The following LONRF1 variants were observed in gnomAD, a reference collection of about 807,000 sequenced individuals.
LONRF1 encodes the protein LON peptidase N-terminal domain and ring finger 1.
In LONRF1, 37 loss-of-function variants were observed where a neutral mutation model predicts 85.8. The ratio of observed to expected loss-of-function variants is 0.43; its 90% confidence interval spans 0.33 to 0.57. The LOEUF (loss-of-function observed/expected upper bound fraction) is 0.57, where lower values mean the gene tolerates loss of function less well. Ranked by LOEUF, LONRF1 falls within the 20% of genes least tolerant of loss-of-function variation. The probability of loss-of-function intolerance (pLI) is 0.04; values close to 1 mark genes in which losing one functional copy is unlikely to be tolerated. For synonymous variants in LONRF1, 517 were observed against 390.1 expected, an observed-to-expected ratio of 1.33 and a Z score of -3.83; for missense variants, 1,036 against 978.0, an observed-to-expected ratio of 1.06 and a Z score of -0.79.
At chr8:12,745,809 T>C (rs760019944) in intron 1 of LONRF1, among the ~76,000 whole-genome samples, 4 of 152,230 alleles carry the variant, frequency 2.6e-5, no homozygotes, top group Non-Finnish European at 4.4e-5. Context: ...AATATGACTG[T>C]GGTACTTAAC....
At chr8:12,752,131 A>G (rs1799432141) in intron 1 of LONRF1, among the ~76,000 whole-genome samples, 1 of 152,228 alleles carries the variant, frequency 6.6e-6, no homozygotes, top group Admixed American at 6.5e-5. Context: ...TTGTTTCATT[A>G]TAAGAATTAT....
At position 12,755,469 on chromosome 8, in the gene LONRF1, C is replaced by G. The variant is rs1385702708; in HGVS notation, c.-49G>C. ...GCCGCCCGCCGCCACGGTCCCGGAG[C>G]CTCCCGGGCGCGCGGCTCCGCACGC... On this transcript the variant is annotated 5_prime_UTR_variant, in exon 1 of 12. Coordinates refer to ENST00000398246, the MANE Select transcript of LONRF1 (RefSeq NM_152271.5). 2.9e-6 allele frequency: 3 copies of G among 1,035,402 alleles called. No individual in the cohort carries two copies. The highest frequency in any genetic ancestry group is 3.4e-5 in the African/African-American group (2 of 58,174). The allele number at this position is 1,035,402 out of a possible 1,614,324, so 64.1% of individuals were successfully genotyped here.
intron 1 of LONRF1, among the ~76,000 whole-genome samples, chr8:12,743,910 T>C (rs1481821000): frequency 6.6e-6 from 1 of 152,170 alleles, no homozygotes; most frequent in East Asian, 1.9e-4. Context: ...AAAAAACGCT[T>C]TGTGATTCAT....
chr8:12,732,728 G>A lies in LONRF1; in HGVS notation c.1567-871C>T, dbSNP rs190658137. ...TTTACCACATAGTAGGCATTGTAGC[G>A]TGTAGTATATGTACACAGATATATT... On this transcript the variant is annotated intron_variant, in intron 7 of 11. Transcript: ENST00000398246. Among the ~76,000 whole-genome samples the A allele has an allele frequency of 9.9e-5, 15 of 152,222 alleles. No homozygotes were observed. The East Asian group carries it at 1.7e-3, about 18-fold the overall frequency.
intron 7 of LONRF1, among the ~76,000 whole-genome samples, chr8:12,733,122 T>G (rs1798591237): frequency 6.6e-6 from 1 of 152,124 alleles, no homozygotes; most frequent in South Asian, 2.1e-4. Context: ...AGTTGTCAGG[T>G]GACAGATGCT....
chr8:12,741,025 T>A (rs1445158759), intron 2 of LONRF1, 29 bp from the exon 3 acceptor site: 1 of 1,606,230 alleles, frequency 6.2e-7, no homozygotes, highest in East Asian at 2.2e-5. Context: ...TATAAAACCT[T>A]TGTGTTAAGA....
chr8:12,739,545 TG>T (rs142089904), intron 3 of LONRF1, among the ~76,000 whole-genome samples: 3,471 of 152,242 alleles, frequency 0.023, 122 homozygotes, highest in African/African-American at 0.079. Flanking sequence ...CTGTTTTGAT[TG>T]GGATGCTGTT....
chr8:12,728,212 G>A (rs143944278), intron 10 of LONRF1, among the ~76,000 whole-genome samples: 54 of 152,112 alleles, frequency 3.6e-4, no homozygotes, highest in African/African-American at 1.2e-3. Flanking sequence ...TCACTTTTCC[G>A]GTTCCTAAAC....
intron 7 of LONRF1, among the ~76,000 whole-genome samples, chr8:12,733,927 T>C (rs904621346): frequency 6.6e-6 from 1 of 152,152 alleles, no homozygotes; most frequent in Admixed American, 6.5e-5. Context: ...AAATAGTATG[T>C]TAGTTATACT....
chr8:12,751,089 C>T (rs142354071), intron 1 of LONRF1, among the ~76,000 whole-genome samples: 35 of 152,128 alleles, frequency 2.3e-4, no homozygotes, highest in African/African-American at 7.7e-4. Context: ...GCGAGGGCTG[C>T]GTCAGGATTG....
In LONRF1 at chr8:12,755,466, G is replaced by T. The variant is rs1799609417; in HGVS notation, c.-46C>A. 3 of 1,050,358 alleles carry T rather than the reference G, an allele frequency of 2.9e-6. No homozygotes were observed. The East Asian group carries it at 1.8e-4, about 62-fold the overall frequency. 65.1% of individuals were successfully genotyped at this position (1,050,358 alleles called of 1,614,324 possible). A position where few individuals can be genotyped will look rare whatever the true frequency, so the allele number is the denominator to read the frequency against. ...GCCGCCGCCCGCCGCCACGGTCCCGGAGCCTCCCGGGCGCGCGGCTCCGCA... is the reference window on the plus strand; with the variant it reads ...GCCGCCGCCCGCCGCCACGGTCCCGTAGCCTCCCGGGCGCGCGGCTCCGCA... On this transcript the variant is annotated 5_prime_UTR_variant, in exon 1 of 12. Coordinates refer to ENST00000398246, the MANE Select transcript of LONRF1 (RefSeq NM_152271.5).
At chr8:12,750,108 A>C (rs17118376) in intron 1 of LONRF1, among the ~76,000 whole-genome samples, 10,251 of 152,260 alleles carry the variant, frequency 0.067, 964 homozygotes, top group African/African-American at 0.21. Flanking sequence ...TACTTCCCTT[A>C]AGAAAGTCAC....
intron 1 of LONRF1, among the ~76,000 whole-genome samples, chr8:12,747,677 A>C (rs994563972): frequency 1.3e-5 from 2 of 152,180 alleles, no homozygotes; most frequent in African/African-American, 4.8e-5. Flanking sequence ...TGGTTGTTTT[A>C]AAGTTGAAAA....
At position 12,747,662 on chromosome 8, in the gene LONRF1, T is replaced by C. The variant is rs1163702287; in HGVS notation, c.722-4380A>G. Among the ~76,000 whole-genome samples the C allele has an allele frequency of 2.6e-5, 4 of 152,292 alleles. No individual in the cohort carries two copies. The East Asian group carries it at 7.7e-4, about 29-fold the overall frequency. ...GAAAGCAGAAATAAGGGACAAAAAG[T>C]AGATTGGTTGTTTTAAAGTTGAAAA... is the stretch of plus-strand genomic sequence containing the variant. On this transcript the variant is annotated intron_variant, in intron 1 of 11. Transcript: ENST00000398246.
Position 12,740,996 on chromosome 8 carries a change from C to T in LONRF1, c.841G>A (p.Val281Ile). ...VLFQLPDWPE[V>I]YFRKGKVLCD... Reference sequence around the variant, plus strand: ...AGTACTTTTCCTTTCCTGAAGTAGACCTTTAATAAAAGCAGATATATAAAA... The same window carrying T: ...AGTACTTTTCCTTTCCTGAAGTAGATCTTTAATAAAAGCAGATATATAAAA... The change falls in exon 3 of 12, where the codon GTC becomes ATC. Residue 281 changes from valine (V) to isoleucine (I), a missense_variant and splice_region_variant. Around this residue, in one of 3 missense-constraint regions of LONRF1, gnomAD observed 742 missense variants for 614.4 expected, o/e 1.21. Coordinates refer to ENST00000398246, the MANE Select transcript of LONRF1 (RefSeq NM_152271.5). 1.2e-6 allele frequency: 2 copies of T among 1,611,864 alleles called. No homozygotes were observed. The highest frequency in any genetic ancestry group is 1.7e-6 in the Non-Finnish European group (2 of 1,179,002).
intron 1 of LONRF1, among the ~76,000 whole-genome samples, chr8:12,744,142 A>C (rs1256880674): frequency 2.6e-5 from 4 of 152,330 alleles, no homozygotes; most frequent in Non-Finnish European, 5.9e-5. Flanking sequence ...TTAAAAGCAT[A>C]AAGTATTCAT....
intron 7 of LONRF1, among the ~76,000 whole-genome samples, chr8:12,733,964 T>C (rs1023758523): frequency 6.6e-6 from 1 of 152,174 alleles, no homozygotes; most frequent in African/African-American, 2.4e-5. Context: ...AGTATATATT[T>C]TTCAATCTCC....
At chr8:12,727,588 T>C (rs1025580441) in intron 10 of LONRF1, among the ~76,000 whole-genome samples, 2 of 152,164 alleles carry the variant, frequency 1.3e-5, no homozygotes, top group African/African-American at 4.8e-5. Flanking sequence ...TGTTTGTAAG[T>C]ATTAATACAT....
chr8:12,747,182 G>T (rs7014516), intron 1 of LONRF1, among the ~76,000 whole-genome samples: 145,213 of 152,250 alleles, frequency 0.95, 69,624 homozygotes, highest in East Asian at 1. Flanking sequence ...ATTCAGCAAG[G>T]AAAAAGATTT....
Sources: gnomAD v4.1 joint callset for allele counts (sites outside exome capture counted in the v4.1 genomes callset) on GRCh38, gnomAD v4.1.1 for gene constraint, gnomAD v4.1.1 regional missense constraint, MANE v1.5 for transcripts, NCBI Gene and HGNC (gene_info 2026-07-23, HGNC 2026-07-21) for gene names.